ZNF138: variants seen among roughly 807,000 people sequenced by gnomAD.
ZNF138 encodes zinc finger protein 138.
A neutral mutation model predicts 33.0 loss-of-function variants in ZNF138; 33 were observed. That is an observed-to-expected ratio of 1.00 (90% CI 0.76 to 1.34). The LOEUF (loss-of-function observed/expected upper bound fraction) is 1.34, where lower values mean the gene tolerates loss of function less well. Ranked by LOEUF, ZNF138 falls within the 40% of genes most tolerant of loss-of-function variation. ZNF138 has a pLI of 0.00. For synonymous variants in ZNF138, 139 were observed against 120.4 expected (o/e 1.15, Z -1.01); for missense variants, 360 against 370.8 (o/e 0.97, Z 0.24).
intron 1 of ZNF138, 23 bp from the exon 2 acceptor site, chr7:64,814,895 G>A (rs1788480495): frequency 8.7e-6 from 14 of 1,609,664 alleles, no homozygotes; most frequent in Non-Finnish European, 1.1e-5. Flanking sequence ...GTGTGTGTGT[G>A]TTTGTGTGTG....
intron 1 of ZNF138, among the ~76,000 whole-genome samples, chr7:64,809,641 G>T (rs974990078): frequency 8.7e-5 from 13 of 149,788 alleles, no homozygotes; most frequent in African/African-American, 3.2e-4. Context: ...GCCGGGCGGA[G>T]ACGCTCCTCA....
intron 1 of ZNF138, among the ~76,000 whole-genome samples, chr7:64,812,641 C>T (rs1336002222): frequency 6.6e-6 from 1 of 152,080 alleles, no homozygotes; most frequent in Non-Finnish European, 1.5e-5. Flanking sequence ...GCTTATTGTT[C>T]TGAGTCTCTT....
At chr7:64,852,923 T>C in the ZNF138 span, 2 of 1,175,662 alleles carry the variant, frequency 1.7e-6, no homozygotes, top group Non-Finnish European at 2.6e-6. Context: ...TTTAAAACCT[T>C]GGATAATCAG....
chr7:64,850,673 G>A, the ZNF138 span, among the ~76,000 whole-genome samples: 2 of 152,168 alleles, frequency 1.3e-5, no homozygotes, highest in African/African-American at 4.8e-5. Context: ...CATGAATACA[G>A]TTTCTTGATC....
the ZNF138 span, among the ~76,000 whole-genome samples, chr7:64,842,551 C>T: frequency 6.6e-6 from 1 of 152,112 alleles, no homozygotes; most frequent in Non-Finnish European, 1.5e-5. Context: ...AGTCACCTGT[C>T]GTCAACTTCT....
intron 3 of ZNF138, among the ~76,000 whole-genome samples, chr7:64,819,677 AT>A (rs201608961): frequency 0.014 from 2,155 of 151,704 alleles, 48 homozygotes; most frequent in African/African-American, 0.049. Flanking sequence ...CCTGAGGGTA[AT>A]TTTTGAAAAG....
chr7:64,805,153 C>T (rs889002899), intron 1 of ZNF138, among the ~76,000 whole-genome samples: 1 of 152,134 alleles, frequency 6.6e-6, no homozygotes, highest in Non-Finnish European at 1.5e-5. Flanking sequence ...AATCCCAGCA[C>T]TTTGGGAGGC....
chr7:64,797,004 C>T (rs1608899), intron 1 of ZNF138, among the ~76,000 whole-genome samples: 41,882 of 152,122 alleles, frequency 0.28, 7,067 homozygotes, highest in Middle Eastern at 0.37. Flanking sequence ...GAGCTGAGAT[C>T]GTGCGGCTGC....
At chr7:64,853,489 A>G in the ZNF138 span, 1 of 486,782 alleles carries the variant, frequency 2.1e-6, no homozygotes, top group East Asian at 3.1e-5. Context: ...ATCATGTAGT[A>G]TTTGTCTTTC....
chr7:64,837,155 G>C (rs1225103939), downstream of ZNF138, among the ~76,000 whole-genome samples: 1 of 152,124 alleles, frequency 6.6e-6, no homozygotes, highest in Non-Finnish European at 1.5e-5. Flanking sequence ...AGTTTGGTTG[G>C]GGGGAGGGAA....
At chr7:64,799,692 G>A (rs913690381) in intron 1 of ZNF138, among the ~76,000 whole-genome samples, 1 of 152,132 alleles carries the variant, frequency 6.6e-6, no homozygotes, top group South Asian at 2.1e-4. Context: ...TGCCCAGGCT[G>A]GAGTGCAATG....
chr7:64,796,764 G>A (rs941594727), intron 1 of ZNF138, among the ~76,000 whole-genome samples: 1 of 152,132 alleles, frequency 6.6e-6, no homozygotes, highest in Non-Finnish European at 1.5e-5. Context: ...CATTTCCGGC[G>A]GGGTGCGGTG....
chr7:64,806,577 A>AAAGC (rs1554364414), intron 1 of ZNF138, among the ~76,000 whole-genome samples: 2 of 151,876 alleles, frequency 1.3e-5, no homozygotes, highest in East Asian at 3.9e-4. Flanking sequence ...AGATTTGGGG[A>AAAGC]AAACAAACAA....
chr7:64,801,304 TA>T (rs1290784790), intron 1 of ZNF138, among the ~76,000 whole-genome samples: 1 of 152,214 alleles, frequency 6.6e-6, no homozygotes, highest in Admixed American at 6.5e-5. Flanking sequence ...CATTTAGTGC[TA>T]TAAATTTTTC....
At chr7:64,807,602 C>G (rs1787716422) in intron 1 of ZNF138, among the ~76,000 whole-genome samples, 1 of 152,186 alleles carries the variant, frequency 6.6e-6, no homozygotes. Flanking sequence ...AATCTAGAAT[C>G]TACACAGAAG....
the ZNF138 span, among the ~76,000 whole-genome samples, chr7:64,843,452 C>A: frequency 6.6e-6 from 1 of 152,152 alleles, no homozygotes; most frequent in African/African-American, 2.4e-5. Context: ...TTTTTTCACA[C>A]CTTGACTAAC....
the ZNF138 span, among the ~76,000 whole-genome samples, chr7:64,855,228 T>A: frequency 1.3e-5 from 2 of 152,198 alleles, no homozygotes; most frequent in South Asian, 4.1e-4. Context: ...GAATGCTGTG[T>A]TCAGAGGGAT....
chr7:64,816,659 A>AT (rs1223037598), intron 3 of ZNF138, among the ~76,000 whole-genome samples: 60 of 150,874 alleles, frequency 4.0e-4, no homozygotes, highest in East Asian at 1.2e-3. Flanking sequence ...CTTCAATGGC[A>AT]TTTTTTTTTC....
intron 1 of ZNF138, among the ~76,000 whole-genome samples, chr7:64,797,010 G>C (rs1786742073): frequency 6.6e-6 from 1 of 151,426 alleles, no homozygotes; most frequent in South Asian, 2.1e-4. Context: ...AGATCGTGCG[G>C]CTGCACTCCA....
Sources: allele counts gnomAD v4.1 joint callset (sites outside exome capture counted in the v4.1 genomes callset), GRCh38; gene constraint gnomAD v4.1.1; transcripts MANE v1.5; gene names NCBI Gene and HGNC (gene_info 2026-07-23, HGNC 2026-07-21).